The following PRMT2 variants were observed in gnomAD, a reference collection of about 807,000 sequenced individuals.
PRMT2 encodes the protein protein arginine N-methyltransferase 2.
Under a neutral mutation model 57.6 loss-of-function variants are expected in PRMT2, and 26 were observed. That is an observed-to-expected ratio of 0.45 (90% CI 0.33 to 0.63). PRMT2 has a LOEUF of 0.63. Among genes scored for constraint, PRMT2 ranks in the 20% least tolerant of loss-of-function variants. PRMT2 has a pLI of 0.02. For missense variants in PRMT2, 472 were observed against 564.4 expected (o/e 0.84, Z 1.66); for synonymous variants, 219 against 220.0 (o/e 1.00, Z 0.04).
At chr21:46,637,914 T>C (rs1045217151) in intron 3 of PRMT2, among the ~76,000 whole-genome samples, 15 of 152,172 alleles carry the variant, frequency 9.9e-5, no homozygotes, top group African/African-American at 3.4e-4. Context: ...TGATTGTGCC[T>C]GTGAATAGCC....
intron 8 of PRMT2, chr21:46,659,856 G>GT: frequency 3.5e-5 from 34 of 985,360 alleles, no homozygotes; most frequent in Non-Finnish European, 4.0e-5. Flanking sequence ...GAAACCATAG[G>GT]TTTTTAGGGA....
chr21:46,664,411 A>C lies in PRMT2; in HGVS notation c.*84A>C. Reference sequence around the variant, plus strand: ...AAACCAAGTTGCACCTGGCTTCTGCACACTCCTGCGAAAGTCGGTGAACAT... The same window carrying C: ...AAACCAAGTTGCACCTGGCTTCTGCCCACTCCTGCGAAAGTCGGTGAACAT... On this transcript the variant is annotated 3_prime_UTR_variant, in exon 12 of 12. Coordinates refer to ENST00000355680, the MANE Select transcript of PRMT2 (RefSeq NM_206962.4). 6.5e-7 allele frequency: 1 copy of C among 1,542,120 alleles called. No homozygotes were observed. The highest frequency in any genetic ancestry group is 9.0e-7 in the Non-Finnish European group (1 of 1,116,400).
intron 9 of PRMT2, chr21:46,661,401 CG>C (rs1569165187): frequency 6.0e-6 from 1 of 167,578 alleles, no homozygotes; most frequent in African/African-American, 2.4e-5. Context: ...GCGGTTTCCC[CG>C]CGCCCCCGCC....
intron 7 of PRMT2, chr21:46,658,367 C>T (rs1395017751): frequency 2.3e-5 from 4 of 175,758 alleles, no homozygotes; most frequent in Non-Finnish European, 3.6e-5. Context: ...GAGAATGCTA[C>T]GGACCAAATA....
chr21:46,656,531 A>T (rs1374473565), intron 7 of PRMT2, among the ~76,000 whole-genome samples: 1 of 152,294 alleles, frequency 6.6e-6, no homozygotes, highest in African/African-American at 2.4e-5. Context: ...ATTTCTACAA[A>T]TATGGTCAAT....
At position 46,658,872 on chromosome 21, in the gene PRMT2, A is replaced by G; in HGVS notation, c.782A>G (p.Lys261Arg). ...AGTGCTGATAAGGATTATCGTAGCA[A>G]GGTGCTCTTCTGGGACAACGCGTAC... ...PCSADKDYRS[K>R]VLFWDNAYEF... The change falls in exon 8 of 12, where the codon AAG (lysine) becomes AGG (arginine). Residue 261 changes from lysine to arginine, a missense_variant. Transcript: ENST00000355680. 6.2e-7 allele frequency: 1 copy of G among 1,614,164 alleles called. No individual in the cohort carries two copies. Among genetic ancestry groups the G allele is most frequent in the Non-Finnish European group, 8.5e-7 (1 of 1,180,026 alleles).
rs1338418506 is a variant in PRMT2 at position 46,658,890 on chromosome 21, A to G, written c.800A>G (p.Asn267Ser). 3.1e-6 allele frequency: 5 copies of G among 1,614,106 alleles called. No homozygotes were observed. Among genetic ancestry groups the G allele is most frequent in the East Asian group, 4.5e-5 (2 of 44,874 alleles). The change falls in exon 8 of 12, where the codon AAC becomes AGC. Residue 267 changes from asparagine to serine, a missense_variant. By Grantham distance (46) the Asn-to-Ser change is conservative. Around this residue, in one of 2 missense-constraint regions of PRMT2, gnomAD observed 229 missense variants for 217.2 expected, o/e 1.05. Coordinates refer to ENST00000355680, the MANE Select transcript of PRMT2 (RefSeq NM_206962.4). Reference protein sequence around the residue: ...DYRSKVLFWDNAYEFNLSALK... With the variant: ...DYRSKVLFWDSAYEFNLSALK... ...CGTAGCAAGGTGCTCTTCTGGGACA[A>G]CGCGTACGAGTTCAACCTCAGCGCT...
At chr21:46,644,531 G>A in intron 5 of PRMT2, 43 bp downstream of exon 5, 1 of 1,534,568 alleles carries the variant, frequency 6.5e-7, no homozygotes, top group East Asian at 2.3e-5. Flanking sequence ...CAGGCGGTGG[G>A]TTCTCTCTAG....
chr21:46,643,503 C>G, intron 3 of PRMT2, 32 bp from the exon 4 acceptor site: 2 of 1,458,324 alleles, frequency 1.4e-6, no homozygotes, highest in Non-Finnish European at 1.8e-6. Flanking sequence ...GCTCCAGCGT[C>G]CTCTCCTCAC....
At chr21:46,652,504 G>T in intron 7 of PRMT2, 1 of 985,444 alleles carries the variant, frequency 1.0e-6, no homozygotes, top group Non-Finnish European at 1.2e-6. Flanking sequence ...CTTGAACGTT[G>T]TTCAATGCCA....
intron 7 of PRMT2, chr21:46,651,686 C>A: frequency 8.8e-7 from 1 of 1,140,310 alleles, no homozygotes; most frequent in Non-Finnish European, 1.3e-6. Context: ...GCAGACGGGG[C>A]TGCAAGAGTT....
chr21:46,663,880 C>T (rs566042690), intron 11 of PRMT2, among the ~76,000 whole-genome samples: 4 of 152,288 alleles, frequency 2.6e-5, no homozygotes, highest in Admixed American at 6.5e-5. Flanking sequence ...GAAGCCTGAG[C>T]TGTGCCTTGG....
intron 9 of PRMT2, 111 bp downstream of exon 9, chr21:46,661,073 A>G (rs2149002215): frequency 9.7e-7 from 1 of 1,032,012 alleles, no homozygotes; most frequent in Non-Finnish European, 1.4e-6. Context: ...GTGTGAGTGA[A>G]TAACTAATTA....
At chr21:46,660,075 A>T (rs2061597770) in intron 8 of PRMT2, 4 of 976,510 alleles carry the variant, frequency 4.1e-6, no homozygotes, top group Non-Finnish European at 4.9e-6. Flanking sequence ...TAAATTTGTA[A>T]TTTTTTATCA....
rs748744257 is a variant in PRMT2, at chr21:46,648,503, T to C, written c.373T>C (p.Tyr125His). 1.1e-5 allele frequency: 17 copies of C among 1,614,220 alleles called. 1 individual carries two copies. The South Asian group carries it at 1.9e-4, about 18-fold the overall frequency. Residue 125 changes from tyrosine to histidine, a missense_variant, in exon 6 of 12, where the codon TAC becomes CAC. Tyr to His is a moderately conservative substitution (Grantham distance 83, BLOSUM62 2). Coordinates refer to ENST00000355680, the MANE Select transcript of PRMT2 (RefSeq NM_206962.4). This position sits in a 1 kb window ranked among gnomAD's most constrained non-coding sequence, Gnocchi z 4.8. ...GGCAGACCAGCCACGAACAACTAAA[T>C]ACCACAGTGTCATCCTGCAGAATAA... ...MLADQPRTTK[Y>H]HSVILQNKES...
Position 46,637,000 on chromosome 21 carries a change from G to T in PRMT2, c.39+10G>T. 3.7e-6 allele frequency: 6 copies of T among 1,613,400 alleles called. No individual in the cohort carries two copies. Among genetic ancestry groups the T allele is most frequent in the Non-Finnish European group, 4.2e-6 (5 of 1,179,618 alleles). On this transcript the variant is annotated intron_variant, in intron 3 of 11. Transcript: ENST00000355680. ...CAGAAGTGAATCGCAGGTAATTTCC[G>T]TTCCACTTCCTAAAAATCTGTGTTT...
chr21:46,638,634 G>C (rs1270941671), intron 3 of PRMT2, among the ~76,000 whole-genome samples: 1 of 152,186 alleles, frequency 6.6e-6, no homozygotes, highest in Non-Finnish European at 1.5e-5. Context: ...AGACTTTTAA[G>C]TTTTGGTCAG....
rs1569167915 is a variant in PRMT2 at position 46,664,586 on chromosome 21, CGTGGTGCCCACA to C, written c.*263_*274del. On this transcript the variant is annotated 3_prime_UTR_variant, in exon 12 of 12. Coordinates refer to ENST00000355680, the MANE Select transcript of PRMT2 (RefSeq NM_206962.4). ...TAGGCTGTGTTTCCAGGTGTTCACC[CGTGGTGCCCACA>C]GTGCCGACCCGTGGCTGGGTCGGAG... 1.6e-5 allele frequency: 9 copies of C among 573,328 alleles called. No individual in the cohort carries two copies. Among genetic ancestry groups the C allele is most frequent in the Non-Finnish European group, 2.8e-5 (9 of 320,304 alleles). 35.5% of individuals were successfully genotyped at this position (573,328 alleles called of 1,614,324 possible).
intron 5 of PRMT2, among the ~76,000 whole-genome samples, chr21:46,645,940 C>T (rs1450439810): frequency 6.6e-6 from 1 of 152,150 alleles, no homozygotes; most frequent in Non-Finnish European, 1.5e-5. Context: ...TCTTGAACTC[C>T]TGGCCTCAAG....
Sources: allele counts gnomAD v4.1 joint callset (sites outside exome capture counted in the v4.1 genomes callset), GRCh38; gene constraint gnomAD v4.1.1; regional missense constraint gnomAD v4.1.1; non-coding constraint Gnocchi (gnomAD v3.1); transcripts MANE v1.5; gene names NCBI Gene and HGNC (gene_info 2026-07-23, HGNC 2026-07-21).